NRDE2: variants seen among roughly 807,000 people sequenced by gnomAD.
The protein encoded by NRDE2 is nuclear exosome regulator NRDE2.
In NRDE2, 76 loss-of-function variants were observed where a neutral mutation model predicts 124.2. That is an observed-to-expected ratio of 0.61 (90% confidence interval 0.51 to 0.74). NRDE2 has a LOEUF of 0.74. NRDE2 is among the 30% of genes least tolerant of loss of function. NRDE2 has a pLI of 0.00. For missense variants in NRDE2, 1,314 were observed against 1,417.3 expected, an observed-to-expected ratio of 0.93 and a Z score of 1.17; for synonymous variants, 489 against 528.1, an observed-to-expected ratio of 0.93 and a Z score of 1.01.
In NRDE2 at chr14:90,304,274, G is replaced by A; in HGVS notation, c.666C>T (p.Arg222=). The A allele has an allele frequency of 6.2e-7, 1 of 1,614,100 alleles. No individual in the cohort carries two copies. The highest frequency in any genetic ancestry group is 8.5e-7 in the Non-Finnish European group (1 of 1,180,020). The part of the protein sequence containing the change: ...EKKHSRKQVE[R]YFTKKSVGLM... ...ATCCCACACTCTTCTTAGTAAAATAGCGTTCAACCTGCTTGCGTGAATGCT... is the reference window on the plus strand; with the variant it reads ...ATCCCACACTCTTCTTAGTAAAATAACGTTCAACCTGCTTGCGTGAATGCT... Residue 222 remains arginine, a synonymous_variant, in exon 5 of 14, where the codon CGC becomes CGT. Coordinates refer to ENST00000354366, the MANE Select transcript of NRDE2 (RefSeq NM_017970.4).
Position 90,270,487 on chromosome 14 carries a change from T to C in NRDE2, c.*7849A>G. On this transcript the variant is annotated 3_prime_UTR_variant, in exon 14 of 14. Transcript: ENST00000354366. Reference sequence around the variant, plus strand: ...TTTTAATCATCATATTGGTTTACGATTACATCCAAATGGTATATGTGCTTG... The same window carrying C: ...TTTTAATCATCATATTGGTTTACGACTACATCCAAATGGTATATGTGCTTG... 1.0e-6 allele frequency: 1 copy of C among 989,558 alleles called. No individual in the cohort carries two copies. The highest frequency in any genetic ancestry group is 1.4e-6 in the Non-Finnish European group (1 of 700,410). 61.3% of individuals were successfully genotyped at this position (989,558 alleles called of 1,614,324 possible). A position where few individuals can be genotyped will look rare whatever the true frequency, so the allele number is the denominator to read the frequency against.
intron 4 of NRDE2, among the ~76,000 whole-genome samples, 159 bp downstream of exon 4, chr14:90,312,235 T>C (rs1884868218): frequency 6.6e-6 from 1 of 152,192 alleles, no homozygotes; most frequent in Admixed American, 6.5e-5. Flanking sequence ...GCCTTCATTT[T>C]AGAATAGGAG....
intron 1 of NRDE2, among the ~76,000 whole-genome samples, chr14:90,327,883 C>G (rs929078493): frequency 3.3e-5 from 5 of 152,052 alleles, no homozygotes; most frequent in Admixed American, 2.0e-4. Flanking sequence ...GTGGCTCACA[C>G]CTGTAATCCC....
intron 8 of NRDE2, among the ~76,000 whole-genome samples, chr14:90,297,848 T>C (rs1487515768): frequency 6.7e-6 from 1 of 149,674 alleles, no homozygotes; most frequent in Non-Finnish European, 1.5e-5. Context: ...GCCTGACGCA[T>C]GAGAATTGCT....
At chr14:90,326,534 T>C (rs1245806489) in intron 1 of NRDE2, among the ~76,000 whole-genome samples, 1 of 147,258 alleles carries the variant, frequency 6.8e-6, no homozygotes, top group African/African-American at 2.5e-5. Flanking sequence ...AGGGAAAATG[T>C]AGTTGCTCTT....
rs548572685 is a variant in NRDE2 at position 90,288,138 on chromosome 14, G to A, written c.3158+79C>T. 33 of 1,353,462 alleles carry A rather than the reference G, an allele frequency of 2.4e-5. No individual in the cohort carries two copies. In the African/African-American group the frequency reaches 2.5e-4, roughly 10 times the overall value. The allele number at this position is 1,353,462 out of a possible 1,614,324, so 83.8% of individuals were successfully genotyped here. A position where few individuals can be genotyped will look rare whatever the true frequency, so the allele number is the denominator to read the frequency against. On this transcript the variant is annotated intron_variant, in intron 11 of 13. Transcript: ENST00000354366. Reference sequence around the variant, plus strand: ...GCCATGTTCATCCCTGTCTTCCTGAGACCCAGCAAGGTCAGGGCAACACAG... The same window carrying A: ...GCCATGTTCATCCCTGTCTTCCTGAAACCCAGCAAGGTCAGGGCAACACAG...
intron 9 of NRDE2, among the ~76,000 whole-genome samples, chr14:90,292,118 GTAAA>G (rs1892286328): frequency 1.3e-5 from 2 of 152,226 alleles, no homozygotes; most frequent in Non-Finnish European, 2.9e-5. Flanking sequence ...CACGGTAACA[GTAAA>G]TGAGATAACA....
intron 1 of NRDE2, among the ~76,000 whole-genome samples, chr14:90,326,300 C>T (rs1401511820): frequency 2.0e-5 from 3 of 151,804 alleles, no homozygotes; most frequent in Non-Finnish European, 2.9e-5. Context: ...CGAGACCATC[C>T]TGGCTAACAA....
At chr14:90,290,896 A>G (rs1213111892) in intron 9 of NRDE2, among the ~76,000 whole-genome samples, 6 of 152,256 alleles carry the variant, frequency 3.9e-5, no homozygotes, top group Non-Finnish European at 8.8e-5. Context: ...AAGCTTTCAA[A>G]GTATCCTGAT....
intron 1 of NRDE2, among the ~76,000 whole-genome samples, chr14:90,326,219 G>A (rs1195959087): frequency 6.6e-6 from 1 of 152,196 alleles, no homozygotes. Flanking sequence ...GGGAGGCCGG[G>A]CGCGGTGGCT....
intron 1 of NRDE2, among the ~76,000 whole-genome samples, chr14:90,324,404 G>A (rs1260340530): frequency 6.6e-6 from 1 of 152,054 alleles, no homozygotes; most frequent in Non-Finnish European, 1.5e-5. Context: ...GGCCGGGCGG[G>A]GTGGCTCATG....
At chr14:90,327,802 A>C (rs532714199) in intron 1 of NRDE2, among the ~76,000 whole-genome samples, 1 of 152,308 alleles carries the variant, frequency 6.6e-6, no homozygotes, top group South Asian at 2.1e-4. Context: ...GTTCGAGACT[A>C]GCCTGGCCAA....
At chr14:90,296,299 A>G (rs1566688861) in intron 8 of NRDE2, among the ~76,000 whole-genome samples, 1 of 152,216 alleles carries the variant, frequency 6.6e-6, no homozygotes, top group Admixed American at 6.5e-5. Flanking sequence ...TCAGTGGCTG[A>G]GTGCAATACC....
At chr14:90,284,051 T>C (rs1892030562) in intron 12 of NRDE2, among the ~76,000 whole-genome samples, 2 of 152,062 alleles carry the variant, frequency 1.3e-5, no homozygotes. Flanking sequence ...CCCCCAAGAA[T>C]GTGCCCATTA....
chr14:90,303,892 G>C (rs1203392097), intron 5 of NRDE2, 43 bp downstream of exon 5: 1 of 1,529,250 alleles, frequency 6.5e-7, no homozygotes, highest in Non-Finnish European at 8.8e-7. Context: ...CCAAAATCAG[G>C]AATGTCCTTC....
intron 8 of NRDE2, among the ~76,000 whole-genome samples, chr14:90,294,879 T>C (rs932691920): frequency 1.3e-5 from 2 of 152,176 alleles, no homozygotes; most frequent in African/African-American, 4.8e-5. Context: ...ATGATTCCAT[T>C]TATATAACCT....
In NRDE2 at chr14:90,301,302, C is replaced by A. The variant is rs1408672037; in HGVS notation, c.1482G>T (p.Gln494His). 6.2e-7 allele frequency: 1 copy of A among 1,613,668 alleles called. No homozygotes were observed. The change falls in exon 7 of 14, where the codon CAG becomes CAT. Residue 494 changes from glutamine (Q) to histidine (H), a missense_variant. Transcript: ENST00000354366. Reference sequence around the variant, plus strand: ...TGAAGAAGGTGAAGTCCACCATGGCCTGGAACAATGAGATGGCCTTCTCAG... The same window carrying A: ...TGAAGAAGGTGAAGTCCACCATGGCATGGAACAATGAGATGGCCTTCTCAG... ...GHSEKAISLF[Q>H]AMVDFTFFKP...
intron 1 of NRDE2, among the ~76,000 whole-genome samples, chr14:90,321,460 C>T (rs901703170): frequency 6.7e-6 from 1 of 148,510 alleles, no homozygotes; most frequent in East Asian, 2.0e-4. Flanking sequence ...ATCTATTATA[C>T]TAGCACTTTG....
intron 1 of NRDE2, among the ~76,000 whole-genome samples, chr14:90,328,392 T>C (rs1011713473): frequency 6.6e-6 from 1 of 151,976 alleles, no homozygotes. Context: ...TAGTTCTTCA[T>C]AGAATAATTG....
Sources: gnomAD v4.1 joint callset for allele counts (sites outside exome capture counted in the v4.1 genomes callset) on GRCh38, gnomAD v4.1.1 for gene constraint, MANE v1.5 for transcripts, NCBI Gene and HGNC (gene_info 2026-07-23, HGNC 2026-07-21) for gene names.